Variants in CNBD1 observed in about 807,000 individuals in gnomAD.
CNBD1 encodes cyclic nucleotide-binding domain-containing protein 1.
A neutral mutation model predicts 54.4 loss-of-function variants in CNBD1; 71 were observed. That is an observed-to-expected ratio of 1.30 (90% CI 1.08 to 1.59). The LOEUF (loss-of-function observed/expected upper bound fraction) is 1.59. Among genes scored for constraint, CNBD1 ranks in the 40% most tolerant of loss-of-function variants. CNBD1 has a pLI of 0.00. For synonymous variants in CNBD1, 182 were observed against 170.7 expected, an observed-to-expected ratio of 1.07 and a Z score of -0.51; for missense variants, 659 against 518.0, an observed-to-expected ratio of 1.27 and a Z score of -2.64.
At chr8:86,990,037 A>C (rs1158112288) in intron 4 of CNBD1, among the ~76,000 whole-genome samples, 1 of 152,166 alleles carries the variant, frequency 6.6e-6, no homozygotes, top group Non-Finnish European at 1.5e-5. Flanking sequence ...CCAGTTTTAA[A>C]ATCAGATTAT....
intron 2 of CNBD1, among the ~76,000 whole-genome samples, chr8:87,394,880 G>A (rs947011224): frequency 6.6e-6 from 1 of 151,704 alleles, no homozygotes; most frequent in Non-Finnish European, 1.5e-5. Context: ...ACAAAGAAAA[G>A]TCTCTGTTAC....
At chr8:87,318,961 G>A (rs761328204) in intron 8 of CNBD1, among the ~76,000 whole-genome samples, 2 of 151,998 alleles carry the variant, frequency 1.3e-5, no homozygotes, top group Non-Finnish European at 1.5e-5. Flanking sequence ...AGAAAAGAAT[G>A]AGCATAATGA....
chr8:87,242,624 A>G (rs773480743), intron 6 of CNBD1, among the ~76,000 whole-genome samples: 3 of 152,168 alleles, frequency 2.0e-5, no homozygotes, highest in Non-Finnish European at 2.9e-5. Flanking sequence ...ACCAATGCAC[A>G]TCTTACATGT....
intron 8 of CNBD1, among the ~76,000 whole-genome samples, chr8:87,336,359 A>G (rs1018446844): frequency 2.0e-5 from 3 of 151,646 alleles, no homozygotes; most frequent in Non-Finnish European, 4.4e-5. Context: ...CAGTCTTTTG[A>G]TATAGTCTCA....
intron 8 of CNBD1, among the ~76,000 whole-genome samples, chr8:87,318,788 C>A (rs571611414): frequency 1.5e-4 from 23 of 152,160 alleles, no homozygotes; most frequent in Non-Finnish European, 2.6e-4. Context: ...GCTGACCAGG[C>A]AGACCCTCAG....
intron 2 of CNBD1, among the ~76,000 whole-genome samples, chr8:87,391,973 A>G (rs1811318430): frequency 6.6e-6 from 1 of 152,090 alleles, no homozygotes; most frequent in African/African-American, 2.4e-5. Flanking sequence ...AAAAAGAACC[A>G]CAACTGTGTA....
In CNBD1 at chr8:87,300,943, G is replaced by A. The variant is rs553484330; in HGVS notation, c.1042+14272G>A. Among the ~76,000 whole-genome samples the A allele has an allele frequency of 7.3e-4, 111 of 152,078 alleles. 1 individual carries two copies. The highest frequency in any genetic ancestry group is 2.6e-3 in the African/African-American group (107 of 41,502). ...TTTGAAAAAATAAATAAAATTGATA[G>A]ACCATTGGCATGATTAACCAAGAAA... On this transcript the variant is annotated intron_variant, in intron 8 of 10. Coordinates refer to ENST00000518476, the MANE Select transcript of CNBD1 (RefSeq NM_173538.3).
chr8:87,332,253 C>T (rs1259537211), intron 8 of CNBD1, among the ~76,000 whole-genome samples: 1 of 151,296 alleles, frequency 6.6e-6, no homozygotes, highest in Admixed American at 6.6e-5. Flanking sequence ...GAGGCTGAGT[C>T]AGGAGAATCG....
Position 87,042,338 on chromosome 8 carries a change from G to C in CNBD1, c.431+102584G>C, listed in dbSNP as rs149005009. On this transcript the variant is annotated intron_variant, in intron 4 of 10. Coordinates refer to ENST00000518476, the MANE Select transcript of CNBD1 (RefSeq NM_173538.3). ...GATACAAATGAGCCATCAGCCCAGG[G>C]ATAGTGTTAAAACCACGGTCTTGAA... 4.7e-3 allele frequency among the ~76,000 whole-genome samples: 710 copies of C among 152,256 alleles called. 7 individuals carry two copies. The highest frequency in any genetic ancestry group is 0.016 in the African/African-American group (679 of 41,568).
chr8:87,404,739 A>G lies in CNBD1; in HGVS notation c.214-23807A>G, dbSNP rs535821417. Among the ~76,000 whole-genome samples, 16 of 152,252 alleles carry G rather than the reference A, an allele frequency of 1.1e-4. No individual in the cohort carries two copies. The South Asian group carries it at 3.3e-3, about 32-fold the overall frequency. On this transcript the variant is annotated intron_variant, in intron 2 of 7. Coordinates refer to the CNBD1 transcript ENST00000521593. ...GAAATCCTCATATTCTCTTTCCAGT[A>G]TGTAAGGATATTAGCAAATAACTAT...
intron 4 of CNBD1, among the ~76,000 whole-genome samples, chr8:87,070,283 T>C (rs1483150364): frequency 6.6e-6 from 1 of 152,116 alleles, no homozygotes; most frequent in East Asian, 1.9e-4. Context: ...TAATATTCTC[T>C]CTTGACTAGC....
intron 1 of CNBD1, among the ~76,000 whole-genome samples, chr8:86,876,533 A>C (rs1015214879): frequency 6.8e-6 from 1 of 148,084 alleles, no homozygotes; most frequent in South Asian, 2.2e-4. Context: ...TACTTTCTAT[A>C]TTTTTTCTGT....
At chr8:87,008,431 T>C (rs1363282726) in intron 4 of CNBD1, among the ~76,000 whole-genome samples, 1 of 152,242 alleles carries the variant, frequency 6.6e-6, no homozygotes, top group Non-Finnish European at 1.5e-5. Context: ...TTCTTAACTA[T>C]AACCTTTGCA....
At chr8:87,030,926 C>T (rs1158674381) in intron 4 of CNBD1, among the ~76,000 whole-genome samples, 1,495 of 101,096 alleles carry the variant, frequency 0.015, 87 homozygotes, top group African/African-American at 0.056. Context: ...CCCCCTCCTC[C>T]TGCCCCCCTT....
chr8:87,275,211 G>T (rs952827608), intron 6 of CNBD1, among the ~76,000 whole-genome samples: 1 of 141,766 alleles, frequency 7.1e-6, no homozygotes, highest in Non-Finnish European at 1.5e-5. Context: ...GTAGTGTGAT[G>T]CCTCCAGCTT....
At chr8:87,078,254 G>A (rs1810916064) in intron 4 of CNBD1, among the ~76,000 whole-genome samples, 1 of 152,158 alleles carries the variant, frequency 6.6e-6, no homozygotes, top group Non-Finnish European at 1.5e-5. Flanking sequence ...TTTTAGATGA[G>A]TACTTTCAAA....
intron 10 of CNBD1, among the ~76,000 whole-genome samples, chr8:87,374,032 A>G (rs865794644): frequency 5.9e-5 from 9 of 151,684 alleles, no homozygotes. Flanking sequence ...TAGTATATAC[A>G]TTTCTCTCCT....
chr8:87,299,372 G>GA (rs890436080), intron 8 of CNBD1, among the ~76,000 whole-genome samples: 2 of 151,866 alleles, frequency 1.3e-5, no homozygotes, highest in Non-Finnish European at 2.9e-5. Context: ...CTCTCTTTCA[G>GA]AAAAAAATGC....
At chr8:87,190,499 C>T (rs1365970778) in intron 4 of CNBD1, among the ~76,000 whole-genome samples, 1 of 152,090 alleles carries the variant, frequency 6.6e-6, no homozygotes, top group Non-Finnish European at 1.5e-5. Flanking sequence ...TTGTCCATTA[C>T]TACCCTCTTT....
Sources: allele counts gnomAD v4.1 joint callset (sites outside exome capture counted in the v4.1 genomes callset), GRCh38; gene constraint gnomAD v4.1.1; transcripts MANE v1.5; gene names NCBI Gene and HGNC (gene_info 2026-07-23, HGNC 2026-07-21).